Variants in PCDH9 observed in about 807,000 individuals in gnomAD.
The protein encoded by PCDH9 is protocadherin 9.
Under a neutral mutation model 70.6 loss-of-function variants are expected in PCDH9, and 24 were observed. That is an observed-to-expected ratio of 0.34 (90% confidence interval 0.25 to 0.48). The LOEUF (loss-of-function observed/expected upper bound fraction) is 0.48. Among genes scored for constraint, PCDH9 ranks in the 20% least tolerant of loss-of-function variants. The pLI is 0.99. For synonymous variants in PCDH9, 562 were observed against 558.5 expected (o/e 1.01, Z -0.09); for missense variants, 1,281 against 1,503.6 (o/e 0.85, Z 2.45).
intron 4 of PCDH9, among the ~76,000 whole-genome samples, chr13:66,554,153 A>G (rs9571595): frequency 0.53 from 80,909 of 151,860 alleles, 22,038 homozygotes; most frequent in East Asian, 0.67. Flanking sequence ...CAACCCTTCT[A>G]GAGAAGCTGA....
At chr13:67,109,961 A>T (rs1218316663) in intron 2 of PCDH9, among the ~76,000 whole-genome samples, 1 of 152,168 alleles carries the variant, frequency 6.6e-6, no homozygotes. Context: ...TATTATGTAT[A>T]TAACACTTAT....
chr13:66,833,282 C>G (rs1290518319), intron 3 of PCDH9, among the ~76,000 whole-genome samples: 1 of 152,144 alleles, frequency 6.6e-6, no homozygotes, highest in African/African-American at 2.4e-5. Flanking sequence ...TGAATCTCTT[C>G]ATTGGATTCC....
intron 4 of PCDH9, among the ~76,000 whole-genome samples, chr13:66,419,129 G>A (rs1356639754): frequency 6.6e-6 from 1 of 152,076 alleles, no homozygotes; most frequent in Non-Finnish European, 1.5e-5. Flanking sequence ...CCCAGGACCA[G>A]ACGGATTTTC....
intron 4 of PCDH9, among the ~76,000 whole-genome samples, chr13:66,573,519 C>T (rs1593705492): frequency 1.3e-5 from 2 of 152,152 alleles, no homozygotes; most frequent in East Asian, 1.9e-4. Context: ...AATAGATTTC[C>T]TTGTTACCTA....
At chr13:67,084,882 G>A (rs1247072490) in intron 2 of PCDH9, among the ~76,000 whole-genome samples, 2 of 140,506 alleles carry the variant, frequency 1.4e-5, no homozygotes, top group African/African-American at 2.7e-5. Context: ...CAGGAGAATC[G>A]CTTAAACCCG....
At chr13:67,074,670 C>T (rs2085842127) in intron 2 of PCDH9, among the ~76,000 whole-genome samples, 1 of 152,008 alleles carries the variant, frequency 6.6e-6, no homozygotes, top group South Asian at 2.1e-4. Context: ...ACTGGTTTCA[C>T]ACAAGTGTAA....
chr13:66,745,876 G>T (rs2079354580), intron 3 of PCDH9, among the ~76,000 whole-genome samples: 1 of 152,074 alleles, frequency 6.6e-6, no homozygotes, highest in East Asian at 1.9e-4. Context: ...ATTAGAATTT[G>T]CCAACAAGGA....
At chr13:67,148,929 G>C (rs1315539275) in intron 2 of PCDH9, among the ~76,000 whole-genome samples, 1 of 152,100 alleles carries the variant, frequency 6.6e-6, no homozygotes, top group African/African-American at 2.4e-5. Context: ...GATTTTGCCA[G>C]TTCTAGGTAG....
intron 4 of PCDH9, among the ~76,000 whole-genome samples, chr13:66,559,873 T>C (rs1696930293): frequency 1.4e-5 from 2 of 146,246 alleles, no homozygotes. Flanking sequence ...CGGATCAGGA[T>C]TCAAATGTAC....
At chr13:67,110,386 C>T (rs1366633048) in intron 2 of PCDH9, among the ~76,000 whole-genome samples, 3 of 151,562 alleles carry the variant, frequency 2.0e-5, no homozygotes, top group African/African-American at 4.8e-5. Flanking sequence ...TGGCAGCATG[C>T]GCCTGTAGTC....
chr13:66,463,945 A>G (rs943065495), intron 4 of PCDH9, among the ~76,000 whole-genome samples: 9 of 151,852 alleles, frequency 5.9e-5, no homozygotes, highest in African/African-American at 1.9e-4. Context: ...AAAAAGAACA[A>G]AACAATTCAT....
At chr13:66,979,279 CTG>C (rs1224497061) in intron 2 of PCDH9, among the ~76,000 whole-genome samples, 2 of 152,120 alleles carry the variant, frequency 1.3e-5, no homozygotes, top group Non-Finnish European at 2.9e-5. Context: ...ACTTTAGTAA[CTG>C]AATGCCCTTG....
rs145578996 is a variant in PCDH9 at position 66,964,773 on chromosome 13, T to C, written c.3037-61168A>G. On this transcript the variant is annotated intron_variant, in intron 2 of 4. Coordinates refer to ENST00000377865, the MANE Select transcript of PCDH9 (RefSeq NM_203487.3). Reference sequence around the variant, plus strand: ...CTTATCTAGAACAAATACCTATACATAAATACTCTTTTAAAGTGAATGTGT... The same window carrying C: ...CTTATCTAGAACAAATACCTATACACAAATACTCTTTTAAAGTGAATGTGT... Among the ~76,000 whole-genome samples, 858 of 152,158 alleles carry C rather than the reference T, an allele frequency of 5.6e-3. 3 individuals are homozygous for C. Among genetic ancestry groups the C allele is most frequent in the Non-Finnish European group, 8.3e-3 (565 of 67,982 alleles).
intron 3 of PCDH9, among the ~76,000 whole-genome samples, chr13:66,643,304 A>T (rs929363903): frequency 1.3e-5 from 2 of 152,098 alleles, no homozygotes; most frequent in African/African-American, 4.8e-5. Flanking sequence ...CAGAGAAACT[A>T]ACCCAGTTGG....
intron 4 of PCDH9, among the ~76,000 whole-genome samples, chr13:66,338,546 A>T (rs939607994): frequency 6.6e-6 from 1 of 152,106 alleles, no homozygotes; most frequent in Admixed American, 6.6e-5. Flanking sequence ...ACAGTATTTT[A>T]AAATAAGAGA....
At chr13:66,796,520 G>T (rs1276028697) in intron 3 of PCDH9, among the ~76,000 whole-genome samples, 1 of 152,118 alleles carries the variant, frequency 6.6e-6, no homozygotes, top group Admixed American at 6.6e-5. Context: ...TTAAATAAAA[G>T]TGTAACTGTG....
intron 4 of PCDH9, among the ~76,000 whole-genome samples, chr13:66,423,253 G>T (rs2138354543): frequency 6.6e-6 from 1 of 151,998 alleles, no homozygotes; most frequent in South Asian, 2.1e-4. Flanking sequence ...ACAAAGAGGA[G>T]CTGGGACCAT....
At chr13:66,762,553 C>T (rs1318023583) in intron 3 of PCDH9, among the ~76,000 whole-genome samples, 2 of 151,988 alleles carry the variant, frequency 1.3e-5, no homozygotes, top group Non-Finnish European at 2.9e-5. Context: ...GTCATTCTTG[C>T]CCTTTTCAGT....
chr13:66,869,754 G>A (rs981073309), intron 3 of PCDH9, among the ~76,000 whole-genome samples: 5 of 152,106 alleles, frequency 3.3e-5, no homozygotes, highest in East Asian at 1.9e-4. Flanking sequence ...ACAGCACCAC[G>A]TCAACCCCCA....
Sources: gnomAD v4.1 joint callset for allele counts (sites outside exome capture counted in the v4.1 genomes callset) on GRCh38, gnomAD v4.1.1 for gene constraint, MANE v1.5 for transcripts, NCBI Gene and HGNC (gene_info 2026-07-23, HGNC 2026-07-21) for gene names.